Variants in RIMS2 observed in about 807,000 individuals in gnomAD.
RIMS2 encodes regulating synaptic membrane exocytosis protein 2.
A neutral mutation model predicts 174.4 loss-of-function variants in RIMS2; 59 were observed. The observed-to-expected ratio is 0.34, with a 90% CI of 0.27 to 0.42. The LOEUF (loss-of-function observed/expected upper bound fraction) is 0.42, where lower values mean the gene tolerates loss of function less well. RIMS2 is among the 10% of genes least tolerant of loss of function. The pLI is 1.00. For missense variants in RIMS2, 1,620 were observed against 1,666.3 expected (o/e 0.97, Z 0.48); for synonymous variants, 606 against 572.5 (o/e 1.06, Z -0.84).
rs1338356085 is a variant in RIMS2 at position 104,059,385 on chromosome 8, C to T, written c.3334+44770C>T. 2.3e-3 allele frequency among the ~76,000 whole-genome samples: 339 copies of T among 149,926 alleles called. 2 individuals are homozygous for T. The highest frequency in any genetic ancestry group is 7.8e-3 in the African/African-American group (310 of 39,886). On this transcript the variant is annotated intron_variant, in intron 19 of 23. Coordinates refer to ENST00000504942, the Ensembl canonical transcript of RIMS2. Reference sequence around the variant, plus strand: ...GCTCTCTGTTTGTCTGTTATTGGTGCGTAAGAATGCTTGTGATTTTTGTAC... The same window carrying T: ...GCTCTCTGTTTGTCTGTTATTGGTGTGTAAGAATGCTTGTGATTTTTGTAC...
At chr8:103,743,412 T>A (rs1210415744) in intron 2 of RIMS2, among the ~76,000 whole-genome samples, 1 of 152,194 alleles carries the variant, frequency 6.6e-6, no homozygotes, top group Non-Finnish European at 1.5e-5. Flanking sequence ...GTTAACAGTG[T>A]CTGATTTGAA....
At chr8:104,242,793 T>A (rs1010956257) in intron 19 of RIMS2, among the ~76,000 whole-genome samples, 1 of 152,248 alleles carries the variant, frequency 6.6e-6, no homozygotes, top group Non-Finnish European at 1.5e-5. Context: ...GTATTTTATA[T>A]CTGGAGGTGC....
chr8:104,017,309 A>G (rs2154554429), intron 19 of RIMS2, among the ~76,000 whole-genome samples: 1 of 152,048 alleles, frequency 6.6e-6, no homozygotes, highest in East Asian at 1.9e-4. Flanking sequence ...TTATTTTAGA[A>G]TTAAAGTATT....
intron 5 of RIMS2, chr8:103,910,326 A>C: frequency 6.3e-7 from 1 of 1,584,114 alleles, no homozygotes; most frequent in South Asian, 1.1e-5. Context: ...TGTAGGGGAC[A>C]GTCAAAAGGG....
chr8:103,672,821 A>C (rs2096761814), intron 1 of RIMS2, among the ~76,000 whole-genome samples: 2 of 152,120 alleles, frequency 1.3e-5, no homozygotes, highest in African/African-American at 4.8e-5. Context: ...ATGCCTTCAC[A>C]ACAGTCCCCC....
At chr8:103,881,815 A>G (rs1054374349) in intron 3 of RIMS2, among the ~76,000 whole-genome samples, 1 of 151,498 alleles carries the variant, frequency 6.6e-6, no homozygotes, top group African/African-American at 2.4e-5. Flanking sequence ...CTGGCAAAAG[A>G]GAAAGCAATT....
At chr8:103,547,952 T>C (rs1845883593) in intron 1 of RIMS2, among the ~76,000 whole-genome samples, 2 of 152,050 alleles carry the variant, frequency 1.3e-5, no homozygotes, top group Admixed American at 6.6e-5. Context: ...CCTGCCAAGA[T>C]TGAACCAGGA....
At chr8:103,988,911 T>C (rs1447146528) in intron 16 of RIMS2, among the ~76,000 whole-genome samples, 1 of 152,230 alleles carries the variant, frequency 6.6e-6, no homozygotes, top group Non-Finnish European at 1.5e-5. Context: ...TCTGCAATCC[T>C]ATAGGTCATG....
At chr8:103,885,794 G>C (rs749399907) in exon 4 of RIMS2, 1 of 1,612,964 alleles carries the variant, frequency 6.2e-7, no homozygotes, top group Non-Finnish European at 8.5e-7. Flanking sequence ...ATCTATATCA[G>C]AACGTAGAGC....
chr8:103,910,704 A>C (rs2075497364), intron 5 of RIMS2, among the ~76,000 whole-genome samples, 175 bp downstream of exon 8: 1 of 152,174 alleles, frequency 6.6e-6, no homozygotes, highest in South Asian at 2.1e-4. Context: ...CAAACCAAAA[A>C]AAACCTCTTG....
chr8:103,549,128 A>G (rs994542583), intron 1 of RIMS2, among the ~76,000 whole-genome samples: 6 of 152,330 alleles, frequency 3.9e-5, no homozygotes, highest in African/African-American at 1.2e-4. Context: ...AACGCCACCA[A>G]GATACTCCTC....
At chr8:103,554,378 A>G (rs1849477806) in intron 1 of RIMS2, among the ~76,000 whole-genome samples, 1 of 152,216 alleles carries the variant, frequency 6.6e-6, no homozygotes, top group Admixed American at 6.6e-5. Flanking sequence ...AAAGTGGGCA[A>G]AGGACATGAA....
chr8:103,768,974 G>T, intron 3 of RIMS2: 1 of 370,564 alleles, frequency 2.7e-6, no homozygotes, highest in Non-Finnish European at 5.3e-6. Context: ...GCTAAGAAAT[G>T]CAGGCTTTCC....
At chr8:103,909,548 T>C (rs768203781) in intron 4 of RIMS2, among the ~76,000 whole-genome samples, 14 of 152,182 alleles carry the variant, frequency 9.2e-5, no homozygotes, top group Non-Finnish European at 1.8e-4. Context: ...GAACCTGTTT[T>C]ATAATTTTCA....
intron 19 of RIMS2, among the ~76,000 whole-genome samples, chr8:104,025,569 ATG>A (rs912875763): frequency 6.6e-6 from 1 of 152,166 alleles, no homozygotes; most frequent in African/African-American, 2.4e-5. Context: ...TACTATATAA[ATG>A]TTAGTTATTA....
At chr8:103,656,362 A>G (rs2096531591) in intron 1 of RIMS2, among the ~76,000 whole-genome samples, 1 of 152,272 alleles carries the variant, frequency 6.6e-6, no homozygotes, top group African/African-American at 2.4e-5. Context: ...TATTTTTGAG[A>G]GTGGTTAGTA....
chr8:103,798,015 G>T (rs2098564478), intron 3 of RIMS2, among the ~76,000 whole-genome samples: 1 of 152,090 alleles, frequency 6.6e-6, no homozygotes, highest in South Asian at 2.1e-4. Context: ...GCTGCCCAAT[G>T]CTTGTTAGAC....
intron 1 of RIMS2, among the ~76,000 whole-genome samples, chr8:103,695,706 A>G (rs1209283471): frequency 7.3e-5 from 11 of 151,262 alleles, no homozygotes; most frequent in Non-Finnish European, 1.2e-4. Context: ...TTTACTGTGT[A>G]TGAGATCCTG....
At chr8:103,660,578 G>T (rs528060825) in intron 1 of RIMS2, among the ~76,000 whole-genome samples, 1 of 150,896 alleles carries the variant, frequency 6.6e-6, no homozygotes, top group East Asian at 1.9e-4. Flanking sequence ...TAAACATGCT[G>T]CTTCGTGGAT....
Sources: gnomAD v4.1 joint callset for allele counts (sites outside exome capture counted in the v4.1 genomes callset) on GRCh38, gnomAD v4.1.1 for gene constraint, MANE v1.5 for transcripts, NCBI Gene and HGNC (gene_info 2026-07-23, HGNC 2026-07-21) for gene names.